The following BLM variants were observed in gnomAD, a reference collection of about 807,000 sequenced individuals.
BLM encodes BLM RecQ like helicase.
A neutral mutation model predicts 135.3 loss-of-function variants in BLM; 95 were observed. That is an observed-to-expected ratio of 0.70 (90% confidence interval 0.59 to 0.83). BLM has a LOEUF of 0.83. BLM is among the 40% of genes least tolerant of loss of function. BLM has a pLI of 0.00. For missense variants in BLM, 1,518 were observed against 1,663.9 expected (o/e 0.91, Z 1.53); for synonymous variants, 520 against 589.2 (o/e 0.88, Z 1.70).
At position 90,760,045 on chromosome 15, in the gene BLM, C is replaced by T. The variant is rs550381329; in HGVS notation, c.1088-102C>T. On this transcript the variant is annotated intron_variant, in intron 5 of 21. Coordinates refer to ENST00000355112, the MANE Select transcript of BLM (RefSeq NM_000057.4). Reference sequence around the variant, plus strand: ...ACTTAAGCAATCCTCCTGCCTTGGCCTCCCCAAAGGGCTGGGATTACAGTC... The same window carrying T: ...ACTTAAGCAATCCTCCTGCCTTGGCTTCCCCAAAGGGCTGGGATTACAGTC... 182 of 1,197,678 alleles carry T rather than the reference C, an allele frequency of 1.5e-4. 1 individual carries two copies. Among genetic ancestry groups the T allele is most frequent in the Non-Finnish European group, 2.1e-4 (172 of 834,694 alleles). 74.2% of individuals were successfully genotyped at this position (1,197,678 alleles called of 1,614,324 possible). A position where few individuals can be genotyped will look rare whatever the true frequency, so the allele number is the denominator to read the frequency against.
chr15:90,788,477 T>A (rs867655752), intron 14 of BLM, among the ~76,000 whole-genome samples: 8 of 148,512 alleles, frequency 5.4e-5, no homozygotes, highest in Admixed American at 5.4e-4. Flanking sequence ...TTTTGTTTTT[T>A]TTTTTTTTTT....
intron 15 of BLM, chr15:90,793,960 C>A: frequency 2.9e-6 from 1 of 339,288 alleles, no homozygotes; most frequent in Non-Finnish European, 5.3e-6. Context: ...AAAAAAAAAC[C>A]TAACATTTAT....
chr15:90,798,143 C>T, intron 16 of BLM, 47 bp from the exon 17 acceptor site: 1 of 1,505,064 alleles, frequency 6.6e-7, no homozygotes, highest in Non-Finnish European at 9.2e-7. Context: ...GTAATCTAGG[C>T]ATTGTTACCT....
chr15:90,732,607 T>G (rs1253642272), intron 1 of BLM, among the ~76,000 whole-genome samples: 1 of 127,990 alleles, frequency 7.8e-6, no homozygotes. Context: ...AAAAAAAAGG[T>G]AAGGCACTAG....
chr15:90,762,931 G>T (rs1896023804), intron 7 of BLM, 35 bp from the exon 8 acceptor site: 10 of 1,579,662 alleles, frequency 6.3e-6, no homozygotes, highest in Non-Finnish European at 8.7e-6. Flanking sequence ...CTGTATTCAT[G>T]TACTGATTTT....
intron 5 of BLM, among the ~76,000 whole-genome samples, chr15:90,756,293 C>T (rs1024440460): frequency 2.6e-5 from 4 of 152,034 alleles, no homozygotes; most frequent in Admixed American, 2.0e-4. Context: ...CTAATAGAGA[C>T]AGGGTTTCAC....
chr15:90,783,754 G>A (rs1272338015), intron 13 of BLM, among the ~76,000 whole-genome samples: 1 of 152,234 alleles, frequency 6.6e-6, no homozygotes. Flanking sequence ...ATCCAGACGT[G>A]GTGGCACGCA....
At chr15:90,723,253 G>C (rs1052875911) in intron 1 of BLM, among the ~76,000 whole-genome samples, 12 of 151,848 alleles carry the variant, frequency 7.9e-5, no homozygotes, top group Non-Finnish European at 5.9e-5. Flanking sequence ...TCTGTAAATG[G>C]GATAATACTA....
At chr15:90,786,659 A>G (rs1002479765) in intron 14 of BLM, among the ~76,000 whole-genome samples, 8 of 152,258 alleles carry the variant, frequency 5.3e-5, no homozygotes, top group African/African-American at 1.9e-4. Context: ...CACGTCACCC[A>G]GGCTGGAGTG....
intron 17 of BLM, among the ~76,000 whole-genome samples, chr15:90,800,946 G>A (rs1897150357): frequency 6.6e-6 from 1 of 152,094 alleles, no homozygotes; most frequent in Non-Finnish European, 1.5e-5. Flanking sequence ...TCAGGAGTTT[G>A]AGACCAGCCT....
At chr15:90,734,531 G>A (rs777764365) in intron 1 of BLM, among the ~76,000 whole-genome samples, 1 of 151,924 alleles carries the variant, frequency 6.6e-6, no homozygotes, top group Non-Finnish European at 1.5e-5. Context: ...CAGGTGATCT[G>A]CCCACCTCGG....
At chr15:90,732,727 G>A (rs1037060644) in intron 1 of BLM, among the ~76,000 whole-genome samples, 2 of 151,948 alleles carry the variant, frequency 1.3e-5, no homozygotes, top group Non-Finnish European at 2.9e-5. Flanking sequence ...TAAATCGAAA[G>A]CACAAGAGAA....
chr15:90,781,320 A>G (rs1305472312), intron 12 of BLM, among the ~76,000 whole-genome samples: 1 of 152,024 alleles, frequency 6.6e-6, no homozygotes, highest in Non-Finnish European at 1.5e-5. Flanking sequence ...ATTGTCTTGG[A>G]CCACACATAA....
chr15:90,725,091 TAG>T (rs902900405), intron 1 of BLM, among the ~76,000 whole-genome samples: 1 of 152,148 alleles, frequency 6.6e-6, no homozygotes, highest in African/African-American at 2.4e-5. Flanking sequence ...GTATTTTTAG[TAG>T]AGAGAGCGTT....
rs28364261 is a variant in BLM at position 90,739,731 on chromosome 15, G to C, written c.-4-7658G>C. The stretch of plus-strand genomic sequence containing the variant: ...TCTGGAAGTGTCTCTATTTCTTGTG[G>C]CATTTTAAATAACAGCTGTATTGTT... On this transcript the variant is annotated intron_variant, in intron 1 of 21. Coordinates refer to ENST00000355112, the MANE Select transcript of BLM (RefSeq NM_000057.4). 1.7e-4 allele frequency among the ~76,000 whole-genome samples: 26 copies of C among 152,164 alleles called. No individual in the cohort carries two copies. The East Asian group carries it at 3.9e-3, about 23-fold the overall frequency.
rs28385151 is a variant in BLM, at chr15:90,809,311, C to T, written c.3874+52C>T. 9.7e-5 allele frequency: 156 copies of T among 1,612,806 alleles called. No homozygotes were observed. In the East Asian group the frequency reaches 2.6e-3, roughly 27 times the overall value. On this transcript the variant is annotated intron_variant, in intron 20 of 21. Coordinates refer to ENST00000355112, the MANE Select transcript of BLM (RefSeq NM_000057.4). ...TAAAAGCCTGTTTAATGTGAAGCGA[C>T]GCGTCTCACTGAATTAGAAGGATGC... is the stretch of plus-strand genomic sequence containing the variant.
intron 16 of BLM, among the ~76,000 whole-genome samples, chr15:90,796,859 G>C (rs181495292): frequency 1.3e-5 from 2 of 152,320 alleles, no homozygotes; most frequent in East Asian, 3.9e-4. Flanking sequence ...TGGAATTTCA[G>C]CTGAGTTAGG....
intron 1 of BLM, among the ~76,000 whole-genome samples, chr15:90,729,348 A>G (rs186513981): frequency 6.6e-6 from 1 of 152,270 alleles, no homozygotes. Context: ...CAACAACAAC[A>G]TAGATTTATT....
At chr15:90,776,241 G>A (rs1300118675) in intron 12 of BLM, among the ~76,000 whole-genome samples, 1 of 152,026 alleles carries the variant, frequency 6.6e-6, no homozygotes, top group Non-Finnish European at 1.5e-5. Context: ...CAAATTTGTG[G>A]TAAGCAAAGA....
Sources: allele counts gnomAD v4.1 joint callset (sites outside exome capture counted in the v4.1 genomes callset), GRCh38; gene constraint gnomAD v4.1.1; transcripts MANE v1.5; gene names NCBI Gene and HGNC (gene_info 2026-07-23, HGNC 2026-07-21).